The following PIK3C2G variants were observed in gnomAD, a reference collection of about 807,000 sequenced individuals.
PIK3C2G encodes phosphatidylinositol 3-kinase C2 domain-containing subunit gamma.
Under a neutral mutation model 181.1 loss-of-function variants are expected in PIK3C2G, and 168 were observed. That is an observed-to-expected ratio of 0.93 (90% CI 0.82 to 1.05). PIK3C2G has a LOEUF of 1.05. PIK3C2G is among the 50% of genes least tolerant of loss of function. The pLI, the probability that PIK3C2G is intolerant of heterozygous loss-of-function variation, is 0.00. For missense variants in PIK3C2G, 1,869 were observed against 1,732.8 expected, an observed-to-expected ratio of 1.08 and a Z score of -1.40; for synonymous variants, 573 against 592.2, an observed-to-expected ratio of 0.97 and a Z score of 0.47.
chr12:18,607,726 G>T (rs1216027034), intron 30 of PIK3C2G, among the ~76,000 whole-genome samples: 1 of 152,106 alleles, frequency 6.6e-6, no homozygotes, highest in Non-Finnish European at 1.5e-5. Context: ...AAGAGCTTCT[G>T]CACAGAAAAA....
intron 6 of PIK3C2G, among the ~76,000 whole-genome samples, 167 bp from the exon 7 acceptor site, chr12:18,320,795 T>C (rs11044026): frequency 0.15 from 22,926 of 152,268 alleles, 2,129 homozygotes; most frequent in East Asian, 0.35. Flanking sequence ...AAAAGGCTTA[T>C]ATAGTTAAGG....
rs746510281 is a variant in PIK3C2G at position 18,286,836 on chromosome 12, T to C, written c.679-11T>C. The C allele has an allele frequency of 7.2e-7, 1 of 1,392,766 alleles. No individual in the cohort carries two copies. The allele number at this position is 1,392,766 out of a possible 1,614,324, so 86.3% of individuals were successfully genotyped here. A position where few individuals can be genotyped will look rare whatever the true frequency, so the allele number is the denominator to read the frequency against. ...TCCAAATTATATTAATTTAGTAGATTTTATTTTAAGTCAATAGGTTGTTCC... is the reference window on the plus strand; with the variant it reads ...TCCAAATTATATTAATTTAGTAGATCTTATTTTAAGTCAATAGGTTGTTCC... On this transcript the variant is annotated splice_polypyrimidine_tract_variant and intron_variant, in intron 2 of 32. Transcript: ENST00000538779.
At chr12:18,457,090 G>A (rs903100672) in intron 18 of PIK3C2G, among the ~76,000 whole-genome samples, 13 of 152,102 alleles carry the variant, frequency 8.5e-5, no homozygotes, top group Admixed American at 7.9e-4. Context: ...GAACAATAAG[G>A]GTAGACTGGG....
chr12:18,254,236 C>T (rs1004919454), intron 1 of PIK3C2G, among the ~76,000 whole-genome samples: 12 of 152,018 alleles, frequency 7.9e-5, no homozygotes, highest in African/African-American at 2.9e-4. Context: ...GACTGCTTTC[C>T]ATTCTTACTG....
intron 18 of PIK3C2G, among the ~76,000 whole-genome samples, chr12:18,486,615 G>T (rs988439429): frequency 1.3e-5 from 2 of 151,534 alleles, no homozygotes; most frequent in Non-Finnish European, 2.9e-5. Flanking sequence ...TAGCAGTTGG[G>T]TAGTCATAGA....
At chr12:18,529,656 G>T (rs577006160) in intron 24 of PIK3C2G, among the ~76,000 whole-genome samples, 1 of 152,236 alleles carries the variant, frequency 6.6e-6, no homozygotes, top group South Asian at 2.1e-4. Flanking sequence ...ATAAATAAAA[G>T]GCTGATAACT....
chr12:18,495,120 G>T (rs1434707251), intron 20 of PIK3C2G, among the ~76,000 whole-genome samples: 1 of 152,066 alleles, frequency 6.6e-6, no homozygotes, highest in African/African-American at 2.4e-5. Context: ...CAGACTTCTT[G>T]TAGATAACGT....
Position 18,613,158 on chromosome 12 carries a change from A to G in PIK3C2G, c.4182+3529A>G, listed in dbSNP as rs377438167. 2.6e-5 allele frequency among the ~76,000 whole-genome samples: 4 copies of G among 152,046 alleles called. No individual in the cohort carries two copies. In the South Asian group the frequency reaches 6.2e-4, roughly 24 times the overall value. ...TGATGTCTACAATGTCTCTCCATGCATTTTATGCTGACTTCATGGATTTTT... is the reference window on the plus strand; with the variant it reads ...TGATGTCTACAATGTCTCTCCATGCGTTTTATGCTGACTTCATGGATTTTT... On this transcript the variant is annotated intron_variant, in intron 31 of 32. Coordinates refer to ENST00000538779, the MANE Select transcript of PIK3C2G (RefSeq NM_001288772.2).
chr12:18,372,139 C>T (rs1942108541), intron 13 of PIK3C2G, among the ~76,000 whole-genome samples: 1 of 151,572 alleles, frequency 6.6e-6, no homozygotes, highest in Non-Finnish European at 1.5e-5. Context: ...TATCAGCAAC[C>T]ATAATAGATA....
chr12:18,562,415 A>G (rs1945398699), intron 26 of PIK3C2G, among the ~76,000 whole-genome samples: 1 of 152,206 alleles, frequency 6.6e-6, no homozygotes, highest in East Asian at 1.9e-4. Flanking sequence ...TACAGGCGTG[A>G]GCCACCGCGC....
chr12:18,668,471 G>C, the PIK3C2G span, among the ~76,000 whole-genome samples: 16,004 of 152,180 alleles, frequency 0.11, 920 homozygotes, highest in Middle Eastern at 0.14. Context: ...GGTGAGACAA[G>C]GACTGCAGGG....
chr12:18,656,992 A>G, the PIK3C2G span, among the ~76,000 whole-genome samples: 1 of 152,144 alleles, frequency 6.6e-6, no homozygotes, highest in African/African-American at 2.4e-5. Context: ...ATAGGGTCCT[A>G]ATATGACAGA....
chr12:18,368,707 C>T (rs1941814428), intron 12 of PIK3C2G, among the ~76,000 whole-genome samples: 1 of 152,210 alleles, frequency 6.6e-6, no homozygotes, highest in African/African-American at 2.4e-5. Context: ...AACAGCTCTT[C>T]TATCTTTCAT....
At chr12:18,556,780 T>C (rs776440565) in intron 26 of PIK3C2G, among the ~76,000 whole-genome samples, 1 of 152,124 alleles carries the variant, frequency 6.6e-6, no homozygotes. Flanking sequence ...AATTCATAAG[T>C]GCAAACAACA....
intron 16 of PIK3C2G, among the ~76,000 whole-genome samples, chr12:18,414,732 GT>G (rs772279053): frequency 1.3e-5 from 2 of 152,090 alleles, no homozygotes; most frequent in Non-Finnish European, 2.9e-5. Flanking sequence ...TTTTGGTTTT[GT>G]TTTAATACAT....
chr12:18,709,084 T>C, the PIK3C2G span, among the ~76,000 whole-genome samples: 1 of 152,162 alleles, frequency 6.6e-6, no homozygotes, highest in South Asian at 2.1e-4. Flanking sequence ...AAAATAATAA[T>C]TGCCAAAGTC....
chr12:18,636,632 C>A (rs1380955264), intron 31 of PIK3C2G, among the ~76,000 whole-genome samples: 1 of 152,180 alleles, frequency 6.6e-6, no homozygotes, highest in African/African-American at 2.4e-5. Flanking sequence ...AGTGAAACCA[C>A]ATCTAGTATA....
At chr12:18,529,697 G>A (rs1294246349) in intron 24 of PIK3C2G, among the ~76,000 whole-genome samples, 1 of 152,106 alleles carries the variant, frequency 6.6e-6, no homozygotes, top group African/African-American at 2.4e-5. Flanking sequence ...CTATTTCAGA[G>A]TTCATTTATT....
At chr12:18,545,912 CTCTT>C (rs1322552622) in intron 25 of PIK3C2G, among the ~76,000 whole-genome samples, 2 of 151,774 alleles carry the variant, frequency 1.3e-5, no homozygotes, top group Non-Finnish European at 2.9e-5. Context: ...ATGTATAAAC[CTCTT>C]TCTTATTTTA....
Sources: gnomAD v4.1 joint callset for allele counts (sites outside exome capture counted in the v4.1 genomes callset) on GRCh38, gnomAD v4.1.1 for gene constraint, MANE v1.5 for transcripts, NCBI Gene and HGNC (gene_info 2026-07-23, HGNC 2026-07-21) for gene names.